The following ERMP1 variants were observed in gnomAD, a reference collection of about 807,000 sequenced individuals.
ERMP1 encodes the protein Felix-ina.
Under a neutral mutation model 92.0 loss-of-function variants are expected in ERMP1, and 86 were observed. The ratio of observed to expected loss-of-function variants is 0.93; its 90% CI spans 0.79 to 1.12. The LOEUF (loss-of-function observed/expected upper bound fraction) is 1.12. Among genes scored for constraint, ERMP1 ranks in the 50% most tolerant of loss-of-function variants. ERMP1 has a pLI of 0.00. For missense variants in ERMP1, 1,342 were observed against 1,116.3 expected, an observed-to-expected ratio of 1.20 and a Z score of -2.88; for synonymous variants, 530 against 412.8, an observed-to-expected ratio of 1.28 and a Z score of -3.44.
chr9:5,815,145 CAT>C (rs1829253078), intron 4 of ERMP1, among the ~76,000 whole-genome samples: 1 of 152,118 alleles, frequency 6.6e-6, no homozygotes. Context: ...TTCCAAAACT[CAT>C]AGAATTCAAG....
chr9:5,845,068 C>A (rs964220771), intron 6 of ERMP1, among the ~76,000 whole-genome samples: 2 of 151,900 alleles, frequency 1.3e-5, no homozygotes, highest in African/African-American at 4.8e-5. Flanking sequence ...GCCTTTGAAA[C>A]TTAAACTTGC....
chr9:5,852,252 G>GTTT (rs33978241), intron 6 of ERMP1, among the ~76,000 whole-genome samples: 1 of 149,284 alleles, frequency 6.7e-6, no homozygotes, highest in African/African-American at 2.5e-5. Flanking sequence ...GCAGCAGAGT[G>GTTT]TTTTTTTTTG....
chr9:5,789,463 G>C (rs760773287), intron 13 of ERMP1, among the ~76,000 whole-genome samples: 8 of 152,228 alleles, frequency 5.3e-5, no homozygotes, highest in Non-Finnish European at 8.8e-5. Context: ...TAACCATACA[G>C]AAACAGCACT....
intron 4 of ERMP1, among the ~76,000 whole-genome samples, chr9:5,817,744 G>A (rs1829373619): frequency 6.6e-6 from 1 of 152,068 alleles, no homozygotes; most frequent in African/African-American, 2.4e-5. Context: ...AGAATAGTAA[G>A]TCAAAGTTCT....
At chr9:5,835,350 A>ATG (rs146674564), upstream of ERMP1, among the ~76,000 whole-genome samples, 14 of 150,354 alleles carry the variant, frequency 9.3e-5, no homozygotes, top group African/African-American at 3.4e-4. Flanking sequence ...GAGACAATGA[A>ATG]CGCGCGCGCG....
intron 6 of ERMP1, among the ~76,000 whole-genome samples, chr9:5,852,648 A>G (rs945248744): frequency 1.8e-4 from 27 of 151,024 alleles, no homozygotes; most frequent in African/African-American, 5.6e-4. Context: ...ATGTTTTATG[A>G]GAATGTTCAT....
At chr9:5,866,689 G>C (rs1830674813) in intron 5 of ERMP1, among the ~76,000 whole-genome samples, 1 of 152,168 alleles carries the variant, frequency 6.6e-6, no homozygotes, top group African/African-American at 2.4e-5. Flanking sequence ...TACTTGATTT[G>C]AATTAATAGT....
At chr9:5,813,667 G>A (rs1277863116) in intron 4 of ERMP1, among the ~76,000 whole-genome samples, 1 of 151,604 alleles carries the variant, frequency 6.6e-6, no homozygotes, top group Non-Finnish European at 1.5e-5. Flanking sequence ...TTCAGATTAG[G>A]GATGCTCAAT....
At chr9:5,861,889 G>T (rs1830508441) in intron 5 of ERMP1, among the ~76,000 whole-genome samples, 1 of 151,960 alleles carries the variant, frequency 6.6e-6, no homozygotes, top group Non-Finnish European at 1.5e-5. Flanking sequence ...GGCCAGTTGA[G>T]TGTAGTCCCT....
At chr9:5,839,835 A>C (rs928728047) in intron 6 of ERMP1, among the ~76,000 whole-genome samples, 3 of 152,234 alleles carry the variant, frequency 2.0e-5, no homozygotes, top group Non-Finnish European at 4.4e-5. Context: ...AATGGCAAAT[A>C]TCTCTCAAAG....
chr9:5,792,993 A>T (rs1028211988), intron 13 of ERMP1, among the ~76,000 whole-genome samples: 1 of 152,180 alleles, frequency 6.6e-6, no homozygotes, highest in Non-Finnish European at 1.5e-5. Context: ...TTCTTAATTG[A>T]TCTAACAGAT....
intron 3 of ERMP1, 95 bp downstream of exon 3, chr9:5,824,983 ACCCACAGGAGTCAT>A: frequency 9.5e-7 from 1 of 1,051,652 alleles, no homozygotes; most frequent in Non-Finnish European, 1.4e-6. Flanking sequence ...ATTTTATACT[ACCCACAGGAGTCAT>A]AAAAAATGCA....
At chr9:5,802,522 T>C (rs1464437655) in intron 10 of ERMP1, among the ~76,000 whole-genome samples, 1 of 152,094 alleles carries the variant, frequency 6.6e-6, no homozygotes, top group Non-Finnish European at 1.5e-5. Flanking sequence ...GTAGCTGAAA[T>C]TACAAGTGTG....
rs1249636690 is a variant in ERMP1 at position 5,825,227 on chromosome 9, T to C, written c.641-8A>G. 2.5e-6 allele frequency: 4 copies of C among 1,604,636 alleles called. 1 individual carries two copies. The highest frequency in any genetic ancestry group is 2.3e-5 in the South Asian group (2 of 88,800). On this transcript the variant is annotated splice_region_variant and splice_polypyrimidine_tract_variant and intron_variant, in intron 2 of 14. Coordinates refer to ENST00000339450, the MANE Select transcript of ERMP1 (RefSeq NM_024896.3). ...CTGCATCATCACTGGCACCTTCAAATCAGAAAAACAAATTTGCTGCTCAGA... is the reference window on the plus strand; with the variant it reads ...CTGCATCATCACTGGCACCTTCAAACCAGAAAAACAAATTTGCTGCTCAGA...
chr9:5,866,123 C>T (rs981731660), intron 5 of ERMP1, among the ~76,000 whole-genome samples: 3 of 152,080 alleles, frequency 2.0e-5, no homozygotes, highest in Non-Finnish European at 2.9e-5. Flanking sequence ...ATTTTAAACA[C>T]GTAGGTGTGC....
chr9:5,832,401 C>T (rs1034110146), intron 1 of ERMP1: 8 of 399,282 alleles, frequency 2.0e-5, no homozygotes, highest in African/African-American at 1.2e-4. Flanking sequence ...GGAGACGACT[C>T]ACAACCAACC....
chr9:5,852,581 C>T (rs1365154660), intron 6 of ERMP1, among the ~76,000 whole-genome samples: 1 of 150,820 alleles, frequency 6.6e-6, no homozygotes, highest in South Asian at 2.1e-4. Flanking sequence ...TTTATGTGCT[C>T]AAATACTGGA....
At chr9:5,789,869 A>ATTTTTTTTT in intron 13 of ERMP1, among the ~76,000 whole-genome samples, 1 of 126,496 alleles carries the variant, frequency 7.9e-6, no homozygotes. Flanking sequence ...TTTTTGGTAG[A>ATTTTTTTTT]GATGGGGTCT....
intron 13 of ERMP1, chr9:5,791,431 C>T (rs1389791796): frequency 4.9e-6 from 2 of 406,122 alleles, no homozygotes; most frequent in Non-Finnish European, 9.8e-6. Context: ...CTGCTTTACT[C>T]GAAGTCCAGT....
Sources: allele counts gnomAD v4.1 joint callset (sites outside exome capture counted in the v4.1 genomes callset), GRCh38; gene constraint gnomAD v4.1.1; transcripts MANE v1.5; gene names NCBI Gene and HGNC (gene_info 2026-07-23, HGNC 2026-07-21).